Variants in EYS observed in about 807,000 individuals in gnomAD.
EYS encodes protein eyes shut homolog.
EYS carries 250 observed loss-of-function variants against 282.1 expected under a neutral mutation model. The ratio of observed to expected loss-of-function variants is 0.89; its 90% CI spans 0.80 to 0.98. The LOEUF is 0.98. Among genes scored for constraint, EYS ranks in the 50% least tolerant of loss-of-function variants. EYS has a pLI of 0.00. For synonymous variants in EYS, 1,355 were observed against 1,282.9 expected, an observed-to-expected ratio of 1.06 and a Z score of -1.20; for missense variants, 4,016 against 3,709.0, an observed-to-expected ratio of 1.08 and a Z score of -2.15.
chr6:64,717,115 G>A (rs950677902), intron 22 of EYS, among the ~76,000 whole-genome samples: 1 of 152,152 alleles, frequency 6.6e-6, no homozygotes, highest in Non-Finnish European at 1.5e-5. Flanking sequence ...ACTGAGACAA[G>A]TGCATAGTGT....
intron 31 of EYS, among the ~76,000 whole-genome samples, chr6:64,110,208 G>C (rs1472476338): frequency 1.3e-5 from 2 of 151,822 alleles, no homozygotes; most frequent in Non-Finnish European, 2.9e-5. Flanking sequence ...GAAATTTAAA[G>C]GCTTTCTTAC....
chr6:64,266,461 A>G (rs1767763860), intron 30 of EYS, among the ~76,000 whole-genome samples: 1 of 152,168 alleles, frequency 6.6e-6, no homozygotes, highest in Non-Finnish European at 1.5e-5. Context: ...TATATTCCTC[A>G]GGGTGAAACT....
intron 30 of EYS, among the ~76,000 whole-genome samples, chr6:64,286,333 C>A (rs1922955): frequency 4.4e-4 from 67 of 152,098 alleles, no homozygotes; most frequent in African/African-American, 1.5e-3. Flanking sequence ...TTCCTCTAAC[C>A]AATAGGCAGT....
chr6:65,665,972 A>C (rs1025901767), intron 1 of EYS, among the ~76,000 whole-genome samples: 1 of 151,734 alleles, frequency 6.6e-6, no homozygotes, highest in Non-Finnish European at 1.5e-5. Flanking sequence ...ACATGGTAAT[A>C]TTTTTCCAGT....
At chr6:64,211,157 T>A (rs191825272) in intron 31 of EYS, among the ~76,000 whole-genome samples, 2 of 152,220 alleles carry the variant, frequency 1.3e-5, no homozygotes, top group Non-Finnish European at 2.9e-5. Flanking sequence ...CTAATTAATC[T>A]CCTCTAATCT....
intron 8 of EYS, 129 bp from the exon 9 acceptor site, chr6:65,353,746 A>G (rs1394744646): frequency 1.4e-6 from 1 of 691,488 alleles, no homozygotes; most frequent in Non-Finnish European, 2.5e-6. Context: ...CACACTTTTT[A>G]TACTTCTCTT....
intron 28 of EYS, among the ~76,000 whole-genome samples, chr6:64,391,299 G>A (rs1045955711): frequency 2.8e-4 from 43 of 151,806 alleles, no homozygotes; most frequent in Non-Finnish European, 4.6e-4. Context: ...TCCTCGAGAA[G>A]AGCAACTCCA....
chr6:64,184,896 TG>T (rs141864702), intron 31 of EYS, among the ~76,000 whole-genome samples: 1,490 of 136,190 alleles, frequency 0.011, 27 homozygotes, highest in African/African-American at 0.037. Context: ...ATGGTCTGAA[TG>T]TTTTTTTTCT....
At chr6:64,326,358 G>A (rs531724649) in intron 29 of EYS, among the ~76,000 whole-genome samples, 10 of 152,166 alleles carry the variant, frequency 6.6e-5, no homozygotes, top group Middle Eastern at 3.4e-3. Context: ...AGGGTCACAA[G>A]ACCAATAAGT....
rs113446096 is a variant in EYS at position 65,180,934 on chromosome 6, C to T, written c.2023+114929G>A. On this transcript the variant is annotated intron_variant, in intron 12 of 42. Coordinates refer to ENST00000503581, the MANE Select transcript of EYS (RefSeq NM_001142800.2). Reference sequence around the variant, plus strand: ...TACAACCATGTGATCTTTGACAAACCTGAGAAAAACAAGCAATGGGGAAAG... The same window carrying T: ...TACAACCATGTGATCTTTGACAAACTTGAGAAAAACAAGCAATGGGGAAAG... Among the ~76,000 whole-genome samples, 716 of 152,110 alleles carry T rather than the reference C, an allele frequency of 4.7e-3. 4 individuals are homozygous for T. The highest frequency in any genetic ancestry group is 0.015 in the African/African-American group (633 of 41,496).
At chr6:65,686,438 T>C (rs1020744371) in intron 1 of EYS, among the ~76,000 whole-genome samples, 8 of 152,208 alleles carry the variant, frequency 5.3e-5, no homozygotes, top group African/African-American at 1.9e-4. Flanking sequence ...TCCTTGATCA[T>C]ACAGTAAGGA....
At chr6:64,659,529 T>C (rs375799858) in intron 22 of EYS, among the ~76,000 whole-genome samples, 4 of 151,330 alleles carry the variant, frequency 2.6e-5, no homozygotes, top group East Asian at 3.9e-4. Context: ...ATCAAATAGA[T>C]GCAATAAAAA....
At chr6:63,988,739 A>G (rs1562135275) in intron 34 of EYS, among the ~76,000 whole-genome samples, 1 of 151,704 alleles carries the variant, frequency 6.6e-6, no homozygotes, top group Non-Finnish European at 1.5e-5. Context: ...GACATGGACA[A>G]TCAAGGAGGA....
intron 33 of EYS, among the ~76,000 whole-genome samples, chr6:64,024,776 G>A (rs141518088): frequency 1.3e-3 from 195 of 152,100 alleles, no homozygotes; most frequent in African/African-American, 3.5e-3. Flanking sequence ...TCACTCCTGC[G>A]CCAGCGAGAT....
rs2150395630 is a variant in EYS at position 65,443,439 on chromosome 6, T to TATAGCCATATATGTACATATATGTACAC, written c.863-38073_863-38072insGTGTACATATATGTACATATATGGCTAT. Among the ~76,000 whole-genome samples, 2 of 150,680 alleles carry TATAGCCATATATGTACATATATGTACAC rather than the reference T, an allele frequency of 1.3e-5. 1 individual carries two copies. The highest frequency in any genetic ancestry group is 4.0e-4 in the East Asian group (2 of 5,056). On this transcript the variant is annotated intron_variant, in intron 5 of 42. Coordinates refer to ENST00000503581, the MANE Select transcript of EYS (RefSeq NM_001142800.2). ...CCATATATGTACATATATGTACACA[T>TATAGCCATATATGTACATATATGTACAC]ATAGCCATATGTACATATACGCCAT... is the stretch of plus-strand genomic sequence containing the variant.
chr6:65,638,160 A>G (rs1490880415), intron 2 of EYS, among the ~76,000 whole-genome samples: 2 of 152,124 alleles, frequency 1.3e-5, no homozygotes, highest in Non-Finnish European at 2.9e-5. Flanking sequence ...TGTCAGGACT[A>G]CCAGCTGTGG....
At chr6:64,413,511 G>A (rs1644323115) in intron 28 of EYS, among the ~76,000 whole-genome samples, 1 of 139,028 alleles carries the variant, frequency 7.2e-6, no homozygotes, top group Non-Finnish European at 1.5e-5. Context: ...GAAAACAGAA[G>A]GCTATTCTTG....
chr6:64,319,018 TA>T (rs1257993001), intron 29 of EYS, among the ~76,000 whole-genome samples: 4 of 151,984 alleles, frequency 2.6e-5, no homozygotes, highest in African/African-American at 4.8e-5. Context: ...TCATTGTATC[TA>T]ATTATATTTT....
chr6:63,843,506 A>G (rs768582564), intron 36 of EYS, among the ~76,000 whole-genome samples: 33 of 152,136 alleles, frequency 2.2e-4, no homozygotes, highest in Non-Finnish European at 4.4e-4. Context: ...TTTGGGGCTT[A>G]TTATCTCAAT....
Sources: allele counts gnomAD v4.1 joint callset (sites outside exome capture counted in the v4.1 genomes callset), GRCh38; gene constraint gnomAD v4.1.1; transcripts MANE v1.5; gene names NCBI Gene and HGNC (gene_info 2026-07-23, HGNC 2026-07-21).